The following DSCAML1 variants were observed in gnomAD, a reference collection of about 807,000 sequenced individuals.
DSCAML1 encodes the protein DS cell adhesion molecule like 1, also known as cell adhesion molecule DSCAML1.
In DSCAML1, 38 loss-of-function variants were observed where a neutral mutation model predicts 200.5. The observed-to-expected ratio is 0.19, with a 90% confidence interval of 0.15 to 0.25. DSCAML1 has a LOEUF of 0.25. Among genes scored for constraint, DSCAML1 ranks in the 10% least tolerant of loss-of-function variants. The pLI is 1.00. For missense variants in DSCAML1, 2,223 were observed against 2,858.8 expected, an observed-to-expected ratio of 0.78 and a Z score of 5.07; for synonymous variants, 1,215 against 1,165.0, an observed-to-expected ratio of 1.04 and a Z score of -0.87.
At chr11:117,583,117 G>T (rs1309258733) in intron 3 of DSCAML1, among the ~76,000 whole-genome samples, 1 of 151,982 alleles carries the variant, frequency 6.6e-6, no homozygotes, top group Non-Finnish European at 1.5e-5. Context: ...TGGTTATCTA[G>T]TTCAAGAAAC....
chr11:117,459,061 T>G, intron 18 of DSCAML1, 152 bp from the exon 19 acceptor site: 1 of 1,029,956 alleles, frequency 9.7e-7, no homozygotes, highest in Non-Finnish European at 1.4e-6. Context: ...CACCTCAAGG[T>G]ACCCAGGAGC....
chr11:117,522,320 C>A (rs1190164787), intron 5 of DSCAML1, among the ~76,000 whole-genome samples: 3 of 152,246 alleles, frequency 2.0e-5, no homozygotes, highest in African/African-American at 7.2e-5. Flanking sequence ...TTCATCACCT[C>A]TTTTGTGTCT....
In DSCAML1 at chr11:117,439,307, G is replaced by A. The variant is rs543957318; in HGVS notation, c.4103C>T (p.Thr1368Ile). The A allele has an allele frequency of 1.2e-6, 2 of 1,614,040 alleles. No homozygotes were observed. The highest frequency in any genetic ancestry group is 1.1e-5 in the South Asian group (1 of 91,072). The change falls in exon 23 of 33, where the codon ACT becomes ATT. Residue 1368 changes from threonine (T) to isoleucine (I), a missense_variant. By Grantham distance (89) the Thr-to-Ile change is moderately conservative (BLOSUM62 -1). Transcript: ENST00000651296. ...SGYYTCTATN[T>I]GGFDTIIVNL... ...GACGATGATGGTGTCAAAGCCACCA[G>A]TGTTGGTGGCCGTGCACGTGTAGTA...
At chr11:117,800,200 G>A (rs189571620), upstream of DSCAML1, among the ~76,000 whole-genome samples, 5 of 152,264 alleles carry the variant, frequency 3.3e-5, no homozygotes, top group Admixed American at 2.0e-4. Flanking sequence ...TCTCCTCTTC[G>A]ACAGGAGTTG....
intron 3 of DSCAML1, among the ~76,000 whole-genome samples, chr11:117,689,025 A>C (rs534565466): frequency 1.3e-5 from 2 of 152,142 alleles, no homozygotes; most frequent in Non-Finnish European, 2.9e-5. Flanking sequence ...TCATAGCTCC[A>C]GGGAAGCAGC....
In DSCAML1 at chr11:117,430,710, C is replaced by A; in HGVS notation, c.5686+12G>T. 1 of 1,603,456 alleles carries A rather than the reference C, an allele frequency of 6.2e-7. No individual in the cohort carries two copies. The highest frequency in any genetic ancestry group is 8.5e-7 in the Non-Finnish European group (1 of 1,174,712). ...GGGGGGGCACTGCCTGGGAGGTGGT[C>A]TGAGCACTCACTCTTGTTGGCCCGG... On this transcript the variant is annotated intron_variant, in intron 32 of 32. Transcript: ENST00000651296.
In DSCAML1 at chr11:117,516,232, G is replaced by C. The variant is rs2049763839; in HGVS notation, c.1783+235C>G. ...ACCCTCTCATGCACCTGGGGTGTGT[G>C]CTGTCTTATTCTGCAGCCCGAGGAG... On this transcript the variant is annotated intron_variant, in intron 8 of 32. Coordinates refer to ENST00000651296, the MANE Select transcript of DSCAML1 (RefSeq NM_020693.4). This position sits in a 1 kb window ranked among gnomAD's most constrained non-coding sequence, Gnocchi z 5.7. Among the ~76,000 whole-genome samples the C allele has an allele frequency of 6.6e-6, 1 of 152,214 alleles. No individual in the cohort carries two copies. Among genetic ancestry groups the C allele is most frequent in the Non-Finnish European group, 1.5e-5 (1 of 68,032 alleles).
In DSCAML1 at chr11:117,477,596, G is replaced by A. The variant is rs116652298; in HGVS notation, c.2785+2847C>T. On this transcript the variant is annotated intron_variant, in intron 14 of 32. Coordinates refer to ENST00000651296, the MANE Select transcript of DSCAML1 (RefSeq NM_020693.4). ...CCCACAGGACTATAAATTGCTGCAC[G>A]AGGTATTTGAGTTAGAAGAGACAGA... Among the ~76,000 whole-genome samples, 1,350 of 152,180 alleles carry A rather than the reference G, an allele frequency of 8.9e-3. 18 individuals are homozygous for A. The highest frequency in any genetic ancestry group is 0.031 in the African/African-American group (1,270 of 41,518).
chr11:117,612,853 G>A (rs1174673312), intron 3 of DSCAML1, among the ~76,000 whole-genome samples: 2 of 152,234 alleles, frequency 1.3e-5, no homozygotes, highest in Non-Finnish European at 2.9e-5. Flanking sequence ...TGGTGCTGAT[G>A]GAAGACACCT....
intron 3 of DSCAML1, among the ~76,000 whole-genome samples, chr11:117,616,957 T>C (rs1414115625): frequency 6.6e-6 from 1 of 152,236 alleles, no homozygotes; most frequent in African/African-American, 2.4e-5. Context: ...TCAGGGGATA[T>C]ACTGACATTT....
chr11:117,800,987 A>T (rs1468836750), upstream of DSCAML1: 2 of 152,228 alleles, frequency 1.3e-5, no homozygotes, highest in Non-Finnish European at 2.9e-5. Flanking sequence ...GAGTATAAAC[A>T]GGGTTTTCAT....
intron 3 of DSCAML1, among the ~76,000 whole-genome samples, chr11:117,689,994 C>A (rs1159816245): frequency 6.6e-6 from 1 of 152,096 alleles, no homozygotes; most frequent in Non-Finnish European, 1.5e-5. Flanking sequence ...AGGCTTCTAG[C>A]CGGAGGTGTT....
At chr11:117,581,824 ACGCCCTTCTAGAAACCAATATCAG>A (rs754233000) in intron 3 of DSCAML1, among the ~76,000 whole-genome samples, 16 of 152,204 alleles carry the variant, frequency 1.1e-4, no homozygotes, top group Non-Finnish European at 2.1e-4. Flanking sequence ...AAGTCCATGC[ACGCCCTTCTAGAAACCAATATCAG>A]CAAATTTACT....
chr11:117,435,681 G>T lies in DSCAML1; in HGVS notation c.4839C>A (p.Arg1613=), dbSNP rs535779731. The T allele has an allele frequency of 1.2e-6, 2 of 1,607,156 alleles. No homozygotes were observed. The highest frequency in any genetic ancestry group is 2.7e-5 in the African/African-American group (2 of 74,814). ...TLGVALLFIV[R]KKRKEKRLKR... The stretch of plus-strand genomic sequence containing the variant: ...TCAGCCGTTTCTCCTTCCTCTTCTT[G>T]CGTACGATGAAGAGCAGTGCCACCC... Residue 1613 remains arginine, a synonymous_variant, in exon 27 of 33, where the codon CGC becomes CGA. Transcript: ENST00000651296.
intron 3 of DSCAML1, among the ~76,000 whole-genome samples, chr11:117,593,064 C>A (rs114292903): frequency 6.6e-6 from 1 of 152,218 alleles, no homozygotes; most frequent in South Asian, 2.1e-4. Flanking sequence ...CAGTTCCTGG[C>A]ACTTACGGGG....
At chr11:117,486,331 G>GA (rs2049057546) in intron 11 of DSCAML1, among the ~76,000 whole-genome samples, 1 of 151,768 alleles carries the variant, frequency 6.6e-6, no homozygotes, top group South Asian at 2.1e-4. Context: ...TAGCGGATGT[G>GA]AAAATGGCGG....
chr11:117,787,525 T>A (rs911746603), intron 1 of DSCAML1, among the ~76,000 whole-genome samples: 4 of 152,292 alleles, frequency 2.6e-5, no homozygotes, highest in Non-Finnish European at 5.9e-5. Flanking sequence ...ATTCACCAAG[T>A]CTGTCATAGG....
chr11:117,670,002 G>C (rs1265318689), intron 3 of DSCAML1, among the ~76,000 whole-genome samples: 1 of 152,248 alleles, frequency 6.6e-6, no homozygotes, highest in Non-Finnish European at 1.5e-5. Context: ...CTTTTTAAAG[G>C]AAGGAAACTT....
chr11:117,474,977 G>C (rs990958235), intron 14 of DSCAML1, among the ~76,000 whole-genome samples: 1 of 151,948 alleles, frequency 6.6e-6, no homozygotes, highest in Non-Finnish European at 1.5e-5. Flanking sequence ...GGATGGTCTC[G>C]ATCTCCTGAC....
Sources: gnomAD v4.1 joint callset for allele counts (sites outside exome capture counted in the v4.1 genomes callset) on GRCh38, gnomAD v4.1.1 for gene constraint, Gnocchi (gnomAD v3.1) non-coding constraint, MANE v1.5 for transcripts, NCBI Gene and HGNC (gene_info 2026-07-23, HGNC 2026-07-21) for gene names.